Variants in EDIL3 observed in about 807,000 individuals in gnomAD.
The protein encoded by EDIL3 is EGF-like repeat and discoidin I-like domain-containing protein 3.
In EDIL3, 37 loss-of-function variants were observed where a neutral mutation model predicts 67.4. That is an observed-to-expected ratio of 0.55 (90% CI 0.42 to 0.72). The LOEUF is 0.72. EDIL3 is among the 30% of genes least tolerant of loss of function. The probability of loss-of-function intolerance (pLI) is 0.00; values close to 1 mark genes in which losing one functional copy is unlikely to be tolerated. For synonymous variants in EDIL3, 195 were observed against 196.3 expected, an observed-to-expected ratio of 0.99 and a Z score of 0.05; for missense variants, 527 against 586.3, an observed-to-expected ratio of 0.90 and a Z score of 1.04.
intron 1 of EDIL3, among the ~76,000 whole-genome samples, chr5:84,357,878 A>G (rs1357595586): frequency 1.5e-5 from 2 of 131,096 alleles, no homozygotes; most frequent in East Asian, 4.4e-4. Flanking sequence ...ATGGAGTGAG[A>G]CTCAGTCTCA....
chr5:84,180,507 T>A lies in EDIL3; in HGVS notation c.241A>T (p.Asn81Tyr). 1 of 1,602,160 alleles carries A rather than the reference T, an allele frequency of 6.2e-7. No homozygotes were observed. Among genetic ancestry groups the A allele is most frequent in the Non-Finnish European group, 8.5e-7 (1 of 1,174,762 alleles). The change falls in exon 4 of 11, where the codon AAT becomes TAT. Residue 81 changes from asparagine (N) to tyrosine (Y), a missense_variant. Asn to Tyr is a moderately radical substitution (Grantham distance 143). Around this residue, in one of 2 missense-constraint regions of EDIL3, gnomAD observed 494 missense variants for 522.5 expected, o/e 0.95. Transcript: ENST00000296591. ...CAGGTTCCTCCATTATGGCATGGAT[T>A]AGGAGTGCAGGGACCTGAAAGACAG... ...EPTSAGPCTP[N>Y]PCHNGGTCEI...
At chr5:84,341,657 C>G (rs979133665) in intron 1 of EDIL3, among the ~76,000 whole-genome samples, 1 of 151,962 alleles carries the variant, frequency 6.6e-6, no homozygotes, top group Non-Finnish European at 1.5e-5. Flanking sequence ...TGTTGATGAA[C>G]AGAGCAAATT....
chr5:84,039,616 T>G (rs191408258), intron 9 of EDIL3, among the ~76,000 whole-genome samples: 2 of 152,282 alleles, frequency 1.3e-5, no homozygotes, highest in African/African-American at 4.8e-5. Flanking sequence ...TTAGATCAAT[T>G]AAATGTACCA....
At chr5:84,257,223 G>A (rs1231986945) in intron 1 of EDIL3, among the ~76,000 whole-genome samples, 1 of 152,124 alleles carries the variant, frequency 6.6e-6, no homozygotes, top group Non-Finnish European at 1.5e-5. Context: ...GCCCTCTCTA[G>A]ATGATAATGC....
At chr5:84,160,481 T>G (rs555782599) in intron 4 of EDIL3, among the ~76,000 whole-genome samples, 1 of 151,760 alleles carries the variant, frequency 6.6e-6, no homozygotes, top group South Asian at 2.1e-4. Context: ...AATACTTTAT[T>G]TTATTTTATT....
chr5:84,073,579 A>C (rs980432571), intron 6 of EDIL3, among the ~76,000 whole-genome samples: 1 of 152,236 alleles, frequency 6.6e-6, no homozygotes, highest in Admixed American at 6.5e-5. Flanking sequence ...CCAAATGATG[A>C]GTGAACTCCC....
rs191530704 is a variant in EDIL3 at position 84,075,115 on chromosome 5, C to T, written c.652-8509G>A. ...ATCGCAAGGACAAAAGACCAAACACCGCATGTTCTCACTCATAGGTGGGAA... is the reference window on the plus strand; with the variant it reads ...ATCGCAAGGACAAAAGACCAAACACTGCATGTTCTCACTCATAGGTGGGAA... On this transcript the variant is annotated intron_variant, in intron 6 of 10. Coordinates refer to ENST00000296591, the MANE Select transcript of EDIL3 (RefSeq NM_005711.5). Among the ~76,000 whole-genome samples the T allele has an allele frequency of 3.3e-3, 499 of 151,794 alleles. 3 individuals carry two copies. The highest frequency in any genetic ancestry group is 0.011 in the African/African-American group (453 of 41,328).
Position 84,234,314 on chromosome 5 carries a change from T to C in EDIL3, c.197-4430A>G, listed in dbSNP as rs138225631. Among the ~76,000 whole-genome samples, 3 of 152,272 alleles carry C rather than the reference T, an allele frequency of 2.0e-5. No individual in the cohort carries two copies. The East Asian group carries it at 5.8e-4, about 29-fold the overall frequency. On this transcript the variant is annotated intron_variant, in intron 2 of 10. Coordinates refer to ENST00000296591, the MANE Select transcript of EDIL3 (RefSeq NM_005711.5). ...TCCACCAGTGTACATGTTCCCATGTTCCTGAAGTGTGGTGGTACTTGGGAG... is the reference window on the plus strand; with the variant it reads ...TCCACCAGTGTACATGTTCCCATGTCCCTGAAGTGTGGTGGTACTTGGGAG...
intron 3 of EDIL3, among the ~76,000 whole-genome samples, chr5:84,188,098 T>C (rs1743502325): frequency 1.3e-5 from 2 of 151,818 alleles, no homozygotes; most frequent in Non-Finnish European, 1.5e-5. Context: ...TTAAAACCTG[T>C]TGATAAATTT....
rs116170968 is a variant in EDIL3, at chr5:84,076,831, C to T, written c.652-10225G>A. ...GTATGAATAACTATAGTTGGTCTGT[C>T]AGTTGTTCTTTGAAGTAAACATGAT... is the stretch of plus-strand genomic sequence containing the variant. On this transcript the variant is annotated intron_variant, in intron 6 of 10. Transcript: ENST00000296591. 6.1e-3 allele frequency among the ~76,000 whole-genome samples: 925 copies of T among 152,220 alleles called. 8 individuals are homozygous for T. Among genetic ancestry groups the T allele is most frequent in the African/African-American group, 0.022 (894 of 41,540 alleles).
intron 9 of EDIL3, among the ~76,000 whole-genome samples, chr5:84,031,498 C>A (rs1414400905): frequency 6.6e-6 from 1 of 152,160 alleles, no homozygotes. Context: ...ATGTTAAGGA[C>A]TAAATGCTTA....
chr5:84,345,347 A>G (rs1747216200), intron 1 of EDIL3, among the ~76,000 whole-genome samples: 1 of 152,182 alleles, frequency 6.6e-6, no homozygotes, highest in Non-Finnish European at 1.5e-5. Context: ...TTCTTTTCAA[A>G]CTACTCATTA....
In EDIL3 at chr5:84,064,691, G is replaced by T. The variant is rs771153990; in HGVS notation, c.952+9C>A. 6.2e-7 allele frequency: 1 copy of T among 1,607,576 alleles called. No homozygotes were observed. The highest frequency in any genetic ancestry group is 8.5e-7 in the Non-Finnish European group (1 of 1,176,942). On this transcript the variant is annotated intron_variant, in intron 8 of 10. Coordinates refer to ENST00000296591, the MANE Select transcript of EDIL3 (RefSeq NM_005711.5). ...AATAGAATACAGAAATAGTTAATTT[G>T]AGACTTACCCGACAGTTCACAGCCA...
chr5:83,958,061 T>A (rs1042964737), intron 10 of EDIL3, among the ~76,000 whole-genome samples: 9 of 151,670 alleles, frequency 5.9e-5, no homozygotes, highest in Non-Finnish European at 8.9e-5. Flanking sequence ...TTAATCTTAT[T>A]TTTAGAAACA....
intron 2 of EDIL3, among the ~76,000 whole-genome samples, chr5:84,242,679 T>G (rs577946432): frequency 2.3e-4 from 35 of 150,638 alleles, no homozygotes; most frequent in Admixed American, 2.0e-4. Flanking sequence ...GTACCTGTAG[T>G]CCCAGCTACT....
intron 6 of EDIL3, among the ~76,000 whole-genome samples, chr5:84,101,969 C>T (rs1369302852): frequency 6.6e-6 from 1 of 152,052 alleles, no homozygotes; most frequent in Non-Finnish European, 1.5e-5. Context: ...AGCTTATCCA[C>T]CATGATCAAG....
rs778071667 is a variant in EDIL3, at chr5:84,180,511, A to C, written c.237T>G (p.Thr79=). 3 of 1,590,048 alleles carry C rather than the reference A, an allele frequency of 1.9e-6. No individual in the cohort carries two copies. In the Admixed American group the frequency reaches 5.5e-5, roughly 29 times the overall value. The change falls in exon 4 of 11, where the codon ACT becomes ACG. Residue 79 remains threonine (T), a synonymous_variant. Transcript: ENST00000296591. ...TTCCTCCATTATGGCATGGATTAGG[A>C]GTGCAGGGACCTGAAAGACAGAAAA... ...EEEPTSAGPC[T]PNPCHNGGTC...
intron 9 of EDIL3, among the ~76,000 whole-genome samples, chr5:83,982,978 T>C (rs1404022005): frequency 6.6e-6 from 1 of 152,166 alleles, no homozygotes; most frequent in African/African-American, 2.4e-5. Context: ...CACTCTTGAG[T>C]GGCTGCAACA....
intron 1 of EDIL3, among the ~76,000 whole-genome samples, chr5:84,357,640 G>A (rs942543070): frequency 7.2e-5 from 11 of 152,124 alleles, no homozygotes; most frequent in African/African-American, 2.7e-4. Context: ...TGTAATCCCA[G>A]CACGTGGGAA....
Sources: gnomAD v4.1 joint callset for allele counts (sites outside exome capture counted in the v4.1 genomes callset) on GRCh38, gnomAD v4.1.1 for gene constraint, gnomAD v4.1.1 regional missense constraint, MANE v1.5 for transcripts, NCBI Gene and HGNC (gene_info 2026-07-23, HGNC 2026-07-21) for gene names.